DPYD: variants seen among roughly 807,000 people sequenced by gnomAD.
DPYD encodes dihydropyrimidine dehydrogenase.
A neutral mutation model predicts 116.2 loss-of-function variants in DPYD; 109 were observed. The ratio of observed to expected loss-of-function variants is 0.94; its 90% confidence interval spans 0.80 to 1.10. The LOEUF (loss-of-function observed/expected upper bound fraction) is 1.10, where lower values mean the gene tolerates loss of function less well. Ranked by LOEUF, DPYD falls within the 50% of genes least tolerant of loss-of-function variation. DPYD has a pLI of 0.00. For missense variants in DPYD, 1,302 were observed against 1,254.5 expected (o/e 1.04, Z -0.57); for synonymous variants, 440 against 432.0 (o/e 1.02, Z -0.23).
intron 1 of DPYD, among the ~76,000 whole-genome samples, chr1:97,900,716 G>A (rs1014913869): frequency 1.1e-4 from 16 of 151,752 alleles, no homozygotes; most frequent in African/African-American, 3.4e-4. Flanking sequence ...GCATAATGAT[G>A]TGAATAAAAT....
At chr1:97,494,050 T>C (rs772311405) in intron 13 of DPYD, among the ~76,000 whole-genome samples, 1 of 152,124 alleles carries the variant, frequency 6.6e-6, no homozygotes, top group African/African-American at 2.4e-5. Flanking sequence ...CCACAGTGAG[T>C]TGCTAGTAGT....
intron 3 of DPYD, among the ~76,000 whole-genome samples, chr1:97,748,856 A>C (rs971744884): frequency 2.6e-5 from 4 of 152,180 alleles, no homozygotes; most frequent in Non-Finnish European, 5.9e-5. Flanking sequence ...GGTATGATGT[A>C]AAAAATATTC....
In DPYD at chr1:97,361,415, A is replaced by G. The variant is rs189930970; in HGVS notation, c.2058+12146T>C. On this transcript the variant is annotated intron_variant, in intron 16 of 22. Coordinates refer to ENST00000370192, the MANE Select transcript of DPYD (RefSeq NM_000110.4). ...TACCATTCCTTCTGAAACTATTCCA[A>G]TCAATAGAAAATGAGGGAATCCTCC... 1.9e-3 allele frequency among the ~76,000 whole-genome samples: 284 copies of G among 152,336 alleles called. 12 individuals are homozygous for G. In the East Asian group the frequency reaches 0.053, roughly 28 times the overall value.
At chr1:97,492,512 A>T (rs765162244) in intron 13 of DPYD, among the ~76,000 whole-genome samples, 3 of 152,174 alleles carry the variant, frequency 2.0e-5, no homozygotes, top group Non-Finnish European at 2.9e-5. Flanking sequence ...TATTACAGTA[A>T]ACTAGCTATC....
At chr1:97,844,961 C>G (rs1226187317) in intron 2 of DPYD, among the ~76,000 whole-genome samples, 2 of 152,224 alleles carry the variant, frequency 1.3e-5, no homozygotes, top group Admixed American at 6.5e-5. Context: ...TGCAGCAGTG[C>G]TGACAGGCCA....
chr1:97,301,649 G>A (rs1385790559), intron 18 of DPYD, among the ~76,000 whole-genome samples: 1 of 151,932 alleles, frequency 6.6e-6, no homozygotes, highest in African/African-American at 2.4e-5. Context: ...TCACCCCATT[G>A]AAAAATGCTT....
At chr1:97,707,115 G>A (rs959569025) in intron 5 of DPYD, among the ~76,000 whole-genome samples, 1 of 152,064 alleles carries the variant, frequency 6.6e-6, no homozygotes. Flanking sequence ...TGTTAGAAAG[G>A]TGGGGTTTTT....
At chr1:97,185,189 G>T (rs1657910532) in intron 20 of DPYD, among the ~76,000 whole-genome samples, 1 of 152,088 alleles carries the variant, frequency 6.6e-6, no homozygotes, top group Admixed American at 6.6e-5. Flanking sequence ...TGAATAGACA[G>T]TTCACAGAGT....
chr1:97,272,754 A>G (rs1664673521), intron 18 of DPYD, among the ~76,000 whole-genome samples: 1 of 152,116 alleles, frequency 6.6e-6, no homozygotes, highest in African/African-American at 2.4e-5. Flanking sequence ...ATACGTTACT[A>G]CAAGCTATTT....
chr1:97,520,654 T>C (rs1223675583), intron 12 of DPYD, among the ~76,000 whole-genome samples: 1 of 151,418 alleles, frequency 6.6e-6, no homozygotes. Flanking sequence ...GGCCCCAATG[T>C]GTGATGTTCC....
intron 3 of DPYD, among the ~76,000 whole-genome samples, chr1:97,766,295 T>C (rs963840570): frequency 1.3e-5 from 2 of 152,028 alleles, no homozygotes; most frequent in Middle Eastern, 3.2e-3. Context: ...TAAGATAATA[T>C]ACCTAATGGA....
At chr1:97,374,592 G>A (rs1181908726) in intron 15 of DPYD, among the ~76,000 whole-genome samples, 3 of 151,678 alleles carry the variant, frequency 2.0e-5, no homozygotes, top group Non-Finnish European at 2.9e-5. Flanking sequence ...GGTGGTGGGC[G>A]CCTGTAGTCC....
chr1:97,384,669 G>C (rs1557674915), intron 14 of DPYD, among the ~76,000 whole-genome samples: 1 of 152,090 alleles, frequency 6.6e-6, no homozygotes, highest in South Asian at 2.1e-4. Context: ...GAAGGTATCT[G>C]TCTTGGTGAT....
At chr1:97,400,855 CTTGCTAGT>C (rs1444913684) in intron 14 of DPYD, among the ~76,000 whole-genome samples, 12 of 152,142 alleles carry the variant, frequency 7.9e-5, no homozygotes, top group Admixed American at 4.6e-4. Flanking sequence ...CTTTATTAGT[CTTGCTAGT>C]GCTCTATCAA....
chr1:97,189,527 T>C (rs1429770742), intron 20 of DPYD, among the ~76,000 whole-genome samples: 1 of 152,216 alleles, frequency 6.6e-6, no homozygotes, highest in Non-Finnish European at 1.5e-5. Context: ...ATTTCTTTCA[T>C]GTTTCTTAAC....
At chr1:97,244,243 G>A (rs1302440189) in intron 18 of DPYD, among the ~76,000 whole-genome samples, 1 of 151,978 alleles carries the variant, frequency 6.6e-6, no homozygotes, top group Non-Finnish European at 1.5e-5. Context: ...ACCAATTTCT[G>A]TAGAAATAAT....
chr1:97,421,862 A>T (rs916249196), intron 14 of DPYD, among the ~76,000 whole-genome samples: 3 of 152,290 alleles, frequency 2.0e-5, no homozygotes, highest in African/African-American at 4.8e-5. Context: ...AAAAACTGAT[A>T]TGGGGGGATT....
chr1:97,244,013 A>G (rs1662548468), intron 18 of DPYD, among the ~76,000 whole-genome samples: 1 of 152,026 alleles, frequency 6.6e-6, no homozygotes, highest in Admixed American at 6.6e-5. Context: ...GAAACTCACT[A>G]TACTGTCCAA....
chr1:97,506,772 G>A (rs1017184115), intron 13 of DPYD, among the ~76,000 whole-genome samples: 7 of 151,938 alleles, frequency 4.6e-5, no homozygotes, highest in Non-Finnish European at 5.9e-5. Context: ...CTGCTTCATG[G>A]TTAAAAATAT....
Sources: allele counts gnomAD v4.1 joint callset (sites outside exome capture counted in the v4.1 genomes callset), GRCh38; gene constraint gnomAD v4.1.1; transcripts MANE v1.5; gene names NCBI Gene and HGNC (gene_info 2026-07-23, HGNC 2026-07-21).